The following ZNF460 variants were observed in gnomAD, a reference collection of about 807,000 sequenced individuals.
ZNF460 encodes zinc finger protein 272.
ZNF460 carries 1 observed loss-of-function variant against 8.4 expected under a neutral mutation model. The observed-to-expected ratio is 0.12, with a 90% CI of 0.04 to 0.56. The LOEUF (loss-of-function observed/expected upper bound fraction) is 0.56, where lower values mean the gene tolerates loss of function less well. ZNF460 is among the 20% of genes least tolerant of loss of function. The pLI, the probability that ZNF460 is intolerant of heterozygous loss-of-function variation, is 0.91. For missense variants in ZNF460, 477 were observed against 714.8 expected (o/e 0.67, Z 3.79); for synonymous variants, 262 against 259.9 (o/e 1.01, Z -0.08).
At chr19:57,285,115 C>T (rs1006289093) in intron 2 of ZNF460, among the ~76,000 whole-genome samples, 1 of 152,202 alleles carries the variant, frequency 6.6e-6, no homozygotes, top group Non-Finnish European at 1.5e-5. Flanking sequence ...CACGCCCAGC[C>T]TCATTTTTTT....
intron 2 of ZNF460, among the ~76,000 whole-genome samples, chr19:57,288,790 T>C (rs1446670275): frequency 6.6e-6 from 1 of 152,168 alleles, no homozygotes; most frequent in Non-Finnish European, 1.5e-5. Context: ...TTTACTCTGA[T>C]CTTCACTTTT....
chr19:57,292,094 A>G lies in ZNF460; in HGVS notation c.1553A>G (p.Asp518Gly). Residue 518 changes from aspartate (D) to glycine (G), a missense_variant, in exon 3 of 3, where the codon GAT becomes GGT. Transcript: ENST00000360338. ...QSGNVSCESTDLIQHSIIHTE... is the reference protein window; with the variant it reads ...QSGNVSCESTGLIQHSIIHTE... ...GGGAACGTTTCTTGTGAGAGCACAG[A>G]TCTCATTCAACACTCCATCATCCAC... is the stretch of plus-strand genomic sequence containing the variant. 1 of 1,614,164 alleles carries G rather than the reference A, an allele frequency of 6.2e-7. No individual in the cohort carries two copies. The highest frequency in any genetic ancestry group is 1.1e-5 in the South Asian group (1 of 91,078).
chr19:57,285,973 G>A (rs998222752), intron 2 of ZNF460, among the ~76,000 whole-genome samples: 1 of 152,184 alleles, frequency 6.6e-6, no homozygotes, highest in Non-Finnish European at 1.5e-5. Flanking sequence ...CCTGGGCAAA[G>A]TACTGAACTC....
intron 1 of ZNF460, among the ~76,000 whole-genome samples, chr19:57,281,196 G>A (rs1437408894): frequency 6.6e-6 from 1 of 152,096 alleles, no homozygotes; most frequent in East Asian, 1.9e-4. Flanking sequence ...CAACCTGACC[G>A]TGCAGTCCTC....
intron 2 of ZNF460, among the ~76,000 whole-genome samples, chr19:57,289,695 G>T (rs2087902887): frequency 6.6e-6 from 1 of 151,856 alleles, no homozygotes; most frequent in Non-Finnish European, 1.5e-5. Flanking sequence ...CTCCCTCTGG[G>T]TTTCTCTTTA....
intron 2 of ZNF460, among the ~76,000 whole-genome samples, chr19:57,286,695 C>T (rs1690579428): frequency 6.6e-6 from 1 of 152,122 alleles, no homozygotes; most frequent in South Asian, 2.1e-4. Context: ...GGAGTGGTGG[C>T]TCACACCTGT....
At chr19:57,287,376 G>A (rs1222578268) in intron 2 of ZNF460, among the ~76,000 whole-genome samples, 1 of 152,138 alleles carries the variant, frequency 6.6e-6, no homozygotes, top group Non-Finnish European at 1.5e-5. Context: ...CATATTTTCT[G>A]GTGGATGTAA....
rs986838350 is a variant in ZNF460, at chr19:57,292,325, G to C, written c.*95G>C. 9 of 1,290,294 alleles carry C rather than the reference G, an allele frequency of 7.0e-6. No individual in the cohort carries two copies. In the African/African-American group the frequency reaches 1.0e-4, roughly 15 times the overall value. 79.9% of individuals were successfully genotyped at this position (1,290,294 alleles called of 1,614,324 possible). ...TTAATATAACCACTGAAGAAAATCT[G>C]TGGTGAGAGGAAACATCTTACCATC... On this transcript the variant is annotated 3_prime_UTR_variant, in exon 3 of 3. Coordinates refer to ENST00000360338, the MANE Select transcript of ZNF460 (RefSeq NM_006635.4).
intron 1 of ZNF460, 45 bp downstream of exon 1, chr19:57,280,881 A>G (rs760533688): frequency 1.9e-6 from 3 of 1,612,586 alleles, no homozygotes; most frequent in South Asian, 1.1e-5. Flanking sequence ...TGCTATTTCT[A>G]GAGGCCTCGT....
intron 2 of ZNF460, among the ~76,000 whole-genome samples, chr19:57,287,465 G>A (rs767861259): frequency 2.0e-5 from 3 of 152,118 alleles, no homozygotes; most frequent in Non-Finnish European, 4.4e-5. Context: ...CATGGAGTAG[G>A]TTGTATATTC....
chr19:57,280,876 T>G (rs1340483571), intron 1 of ZNF460, 40 bp downstream of exon 1: 2 of 1,613,304 alleles, frequency 1.2e-6, no homozygotes, highest in Non-Finnish European at 1.7e-6. Flanking sequence ...TGCTGTGCTA[T>G]TTCTAGAGGC....
At chr19:57,280,936 CCAT>C in intron 1 of ZNF460, 100 bp downstream of exon 1, 1 of 1,529,802 alleles carries the variant, frequency 6.5e-7, no homozygotes. Context: ...TTCTTTGTCG[CCAT>C]CGTTTATTTA....
chr19:57,285,623 G>A (rs565277116), intron 2 of ZNF460, among the ~76,000 whole-genome samples: 10 of 152,170 alleles, frequency 6.6e-5, no homozygotes, highest in African/African-American at 2.2e-4. Context: ...TTTTTTCTTG[G>A]TAAAGGTTCT....
At chr19:57,280,309 C>T (rs2122877662), upstream of ZNF460, 1 of 157,550 alleles carries the variant, frequency 6.3e-6, no homozygotes, top group East Asian at 1.9e-4. Context: ...TGAGTTCCCA[C>T]ACCCGGTAGA....
In ZNF460 at chr19:57,291,668, A is replaced by C; in HGVS notation, c.1127A>C (p.Tyr376Ser). The change falls in exon 3 of 3, where the codon TAT becomes TCT. Residue 376 changes from tyrosine (Y) to serine (S), a missense_variant. Physicochemically the swap from Tyr to Ser is moderately radical, Grantham distance 144. Transcript: ENST00000360338. The surrounding 1 kb of genome is among the most constrained non-coding windows in gnomAD (Gnocchi z 8.4). ...CAATGTGGAAAGGCCTTCACTCACT[A>C]TTCCACCTATGTCCTGCATGAAAGA... Reference protein sequence around the residue: ...CSQCGKAFTHYSTYVLHERAH... With the variant: ...CSQCGKAFTHSSTYVLHERAH... 6.2e-7 allele frequency: 1 copy of C among 1,613,986 alleles called. No homozygotes were observed. The highest frequency in any genetic ancestry group is 8.5e-7 in the Non-Finnish European group (1 of 1,179,928).
Position 57,292,488 on chromosome 19 carries a change from C to A in ZNF460, c.*258C>A. Reference sequence around the variant, plus strand: ...TCTTATTCTACATCTGATAATTCACCCATGAAAGAGACCCAGTGGTTACTG... The same window carrying A: ...TCTTATTCTACATCTGATAATTCACACATGAAAGAGACCCAGTGGTTACTG... On this transcript the variant is annotated 3_prime_UTR_variant, in exon 3 of 3. Transcript: ENST00000360338. 1 of 409,180 alleles carries A rather than the reference C, an allele frequency of 2.4e-6. No homozygotes were observed. The highest frequency in any genetic ancestry group is 4.4e-6 in the Non-Finnish European group (1 of 226,904). 25.3% of individuals were successfully genotyped at this position (409,180 alleles called of 1,614,324 possible).
upstream of ZNF460, chr19:57,280,412 T>C (rs1181638964): frequency 3.7e-5 from 9 of 246,414 alleles, no homozygotes; most frequent in Non-Finnish European, 6.5e-5. Flanking sequence ...GAGAGTTTTC[T>C]GCGGGCCAGG....
At position 57,291,275 on chromosome 19, in the gene ZNF460, C is replaced by T; in HGVS notation, c.734C>T (p.Thr245Ile). 6.2e-7 allele frequency: 1 copy of T among 1,612,634 alleles called. No individual in the cohort carries two copies. The highest frequency in any genetic ancestry group is 8.5e-7 in the Non-Finnish European group (1 of 1,179,590). Residue 245 changes from threonine (T) to isoleucine (I), a missense_variant, in exon 3 of 3, where the codon ACT (threonine) becomes ATT (isoleucine). By Grantham distance (89) the Thr-to-Ile change is moderately conservative (BLOSUM62 -1). Transcript: ENST00000360338. This position sits in a 1 kb window ranked among gnomAD's most constrained non-coding sequence, Gnocchi z 8.4. ...RRSHLTRHQRTHNGDKPFVCS... is the reference protein window; with the variant it reads ...RRSHLTRHQRIHNGDKPFVCS... ...TCACACCTCACACGGCACCAGCGGA[C>T]TCACAATGGAGATAAGCCCTTTGTG...
chr19:57,290,983 G>T lies in ZNF460; in HGVS notation c.442G>T (p.Asp148Tyr). Residue 148 changes from aspartate (D) to tyrosine (Y), a missense_variant, in exon 3 of 3, where the codon GAT (aspartate) becomes TAT (tyrosine). Physicochemically the swap from Asp to Tyr is radical, Grantham distance 160. Transcript: ENST00000360338. ...MMIQNQVSPE[D>Y]ALYGFDSYGP... is the part of the protein sequence containing the mutation. ...GATACAGAACCAAGTCTCACCAGAA[G>T]ATGCTCTCTATGGATTTGACTCATA... 6.2e-7 allele frequency: 1 copy of T among 1,614,238 alleles called. No homozygotes were observed. Among genetic ancestry groups the T allele is most frequent in the Non-Finnish European group, 8.5e-7 (1 of 1,180,044 alleles).
Sources: allele counts gnomAD v4.1 joint callset (sites outside exome capture counted in the v4.1 genomes callset), GRCh38; gene constraint gnomAD v4.1.1; non-coding constraint Gnocchi (gnomAD v3.1); transcripts MANE v1.5; gene names NCBI Gene and HGNC (gene_info 2026-07-23, HGNC 2026-07-21).